MITF: variants seen among roughly 807,000 people sequenced by gnomAD.
The protein encoded by MITF is microphthalmia-associated transcription factor.
MITF carries 17 observed loss-of-function variants against 60.5 expected under a neutral mutation model. The observed-to-expected ratio is 0.28, with a 90% CI of 0.19 to 0.42. The LOEUF is 0.42. MITF is among the 10% of genes least tolerant of loss of function. The pLI is 1.00. For synonymous variants in MITF, 260 were observed against 248.5 expected (o/e 1.05, Z -0.43); for missense variants, 622 against 683.5 (o/e 0.91, Z 1.00).
chr3:69,791,746 G>A (rs562316724), intron 1 of MITF, among the ~76,000 whole-genome samples: 2 of 152,146 alleles, frequency 1.3e-5, no homozygotes, highest in African/African-American at 4.8e-5. Context: ...GCAGTTGTGC[G>A]TTTTTCAAAG....
chr3:69,742,860 G>A (rs34053392), intron 1 of MITF, among the ~76,000 whole-genome samples: 47,798 of 152,022 alleles, frequency 0.31, 8,799 homozygotes, highest in Non-Finnish European at 0.41. Context: ...CAGTATTTGC[G>A]ATTGCTGTTC....
At position 69,967,028 on chromosome 3, in the gene MITF, C is replaced by T; in HGVS notation, c.*1780C>T. 4.3e-6 allele frequency: 1 copy of T among 232,206 alleles called. No individual in the cohort carries two copies. The highest frequency in any genetic ancestry group is 6.1e-5 in the East Asian group (1 of 16,400). The allele number at this position is 232,206 out of a possible 1,614,324, so 14.4% of individuals were successfully genotyped here. On this transcript the variant is annotated 3_prime_UTR_variant, in exon 10 of 10. Coordinates refer to ENST00000352241, the MANE Select transcript of MITF (RefSeq NM_001354604.2). Reference sequence around the variant, plus strand: ...TTAGTGACAGAGTGCCAACTTCTTTCATCAGGAAACCTTATTCAGGAGGGT... The same window carrying T: ...TTAGTGACAGAGTGCCAACTTCTTTTATCAGGAAACCTTATTCAGGAGGGT...
chr3:69,814,510 G>A (rs1328014368), intron 1 of MITF, among the ~76,000 whole-genome samples: 1 of 151,904 alleles, frequency 6.6e-6, no homozygotes, highest in African/African-American at 2.4e-5. Context: ...TTAATGTTTT[G>A]TAGAAACGGA....
chr3:69,953,777 A>G (rs974781600), intron 7 of MITF, among the ~76,000 whole-genome samples: 2 of 151,852 alleles, frequency 1.3e-5, no homozygotes, highest in African/African-American at 4.8e-5. Context: ...GAACCAGAAA[A>G]TGAGTTTCCC....
intron 3 of MITF, 99 bp downstream of exon 3, chr3:69,938,148 G>A: frequency 7.4e-7 from 1 of 1,357,746 alleles, no homozygotes; most frequent in Non-Finnish European, 1.0e-6. Context: ...GTTTGTCCTT[G>A]TGGCCACATT....
intron 1 of MITF, among the ~76,000 whole-genome samples, chr3:69,819,446 A>G (rs1015711492): frequency 3.3e-5 from 5 of 152,208 alleles, no homozygotes; most frequent in Middle Eastern, 3.2e-3. Flanking sequence ...AACTTCTTTC[A>G]GGCAGGCATT....
chr3:69,796,424 T>C (rs139800348), intron 1 of MITF, among the ~76,000 whole-genome samples: 2,811 of 152,114 alleles, frequency 0.018, 40 homozygotes, highest in Middle Eastern at 0.037. Context: ...CTAAATACTT[T>C]TGCAGGTAGT....
At chr3:69,880,766 T>C (rs747350044) in intron 2 of MITF, among the ~76,000 whole-genome samples, 8 of 152,064 alleles carry the variant, frequency 5.3e-5, no homozygotes, top group Non-Finnish European at 7.4e-5. Context: ...TACCTTAGGT[T>C]ATTTAAAATT....
chr3:69,811,803 CTG>C (rs1024572622), intron 1 of MITF, among the ~76,000 whole-genome samples: 5 of 152,150 alleles, frequency 3.3e-5, no homozygotes, highest in East Asian at 3.9e-4. Flanking sequence ...TTGAGGAAGA[CTG>C]TGTACACAGA....
At chr3:69,828,523 A>G (rs943933279) in intron 1 of MITF, among the ~76,000 whole-genome samples, 1 of 152,066 alleles carries the variant, frequency 6.6e-6, no homozygotes, top group African/African-American at 2.4e-5. Flanking sequence ...TAAAAAATTC[A>G]CCATACTAGT....
chr3:69,845,063 C>T lies in MITF; in HGVS notation c.105-34071C>T, dbSNP rs1468803776. ...TTGTGACCCACCTCTAGAAAACGTG[C>T]AGGCTTTTATTTGCATTTGTGTACT... On this transcript the variant is annotated intron_variant, in intron 1 of 9. Transcript: ENST00000352241. 2.6e-5 allele frequency among the ~76,000 whole-genome samples: 4 copies of T among 152,192 alleles called. No homozygotes were observed. The South Asian group carries it at 6.2e-4, about 24-fold the overall frequency.
At chr3:69,943,829 G>A (rs548930080) in intron 5 of MITF, among the ~76,000 whole-genome samples, 4 of 152,224 alleles carry the variant, frequency 2.6e-5, no homozygotes, top group Admixed American at 1.3e-4. Flanking sequence ...CATGGTTCAC[G>A]CCTGTAATCC....
chr3:69,893,417 A>T (rs996324404), intron 2 of MITF, among the ~76,000 whole-genome samples: 4 of 151,986 alleles, frequency 2.6e-5, no homozygotes, highest in Non-Finnish European at 5.9e-5. Context: ...TGTTTTCTCA[A>T]CCTGAATTCC....
intron 1 of MITF, among the ~76,000 whole-genome samples, chr3:69,790,037 G>A (rs962312555): frequency 9.2e-5 from 14 of 152,290 alleles, no homozygotes; most frequent in African/African-American, 2.9e-4. Context: ...CCATCAGCAG[G>A]TGAATGGATA....
intron 2 of MITF, among the ~76,000 whole-genome samples, chr3:69,932,887 GA>G (rs1191105893): frequency 4.6e-5 from 7 of 152,110 alleles, no homozygotes; most frequent in Non-Finnish European, 1.0e-4. Flanking sequence ...AGTATGAAAA[GA>G]ATAGTGGTGT....
At chr3:69,907,815 G>T (rs1001125393) in intron 2 of MITF, among the ~76,000 whole-genome samples, 33 of 152,130 alleles carry the variant, frequency 2.2e-4, no homozygotes, top group African/African-American at 7.5e-4. Context: ...CACAGTAATT[G>T]CTCTTGAGAA....
intron 1 of MITF, among the ~76,000 whole-genome samples, chr3:69,847,032 G>T (rs1184303644): frequency 6.6e-6 from 1 of 152,098 alleles, no homozygotes; most frequent in Non-Finnish European, 1.5e-5. Flanking sequence ...AAAGGGACCT[G>T]GGATTCTTTG....
chr3:69,920,958 C>G (rs2107428725), intron 2 of MITF, among the ~76,000 whole-genome samples: 1 of 152,324 alleles, frequency 6.6e-6, no homozygotes. Context: ...ACCTCCACCT[C>G]CCTGGTTCAA....
At chr3:69,914,489 G>C (rs2107400482) in intron 2 of MITF, among the ~76,000 whole-genome samples, 1 of 152,204 alleles carries the variant, frequency 6.6e-6, no homozygotes, top group East Asian at 1.9e-4. Context: ...GGTCATGCTG[G>C]GAAAACTCCC....
Sources: allele counts gnomAD v4.1 joint callset (sites outside exome capture counted in the v4.1 genomes callset), GRCh38; gene constraint gnomAD v4.1.1; transcripts MANE v1.5; gene names NCBI Gene and HGNC (gene_info 2026-07-23, HGNC 2026-07-21).